Variants in MAPRE1 observed in about 807,000 individuals in gnomAD.
MAPRE1 encodes microtubule-associated protein RP/EB family member 1.
Under a neutral mutation model 32.1 loss-of-function variants are expected in MAPRE1, and 5 were observed. That is an observed-to-expected ratio of 0.16 (90% CI 0.08 to 0.33). MAPRE1 has a LOEUF of 0.33. Among genes scored for constraint, MAPRE1 ranks in the 10% least tolerant of loss-of-function variants. MAPRE1 has a pLI of 1.00. For missense variants in MAPRE1, 209 were observed against 327.2 expected (o/e 0.64, Z 2.79); for synonymous variants, 122 against 118.9 (o/e 1.03, Z -0.17).
rs137885876 is a variant in MAPRE1 at position 32,832,742 on chromosome 20, G to A, written c.122-975G>A. ...TTCCCTAAGTGTTGAGATTACAGGC[G>A]TGAGCTACGGTGCCTGGCCTTATCA... On this transcript the variant is annotated intron_variant, in intron 2 of 6. Transcript: ENST00000375571. Among the ~76,000 whole-genome samples the A allele has an allele frequency of 1.7e-3, 263 of 151,174 alleles. 1 individual carries two copies. Among genetic ancestry groups the A allele is most frequent in the African/African-American group, 5.9e-3 (241 of 41,158 alleles).
chr20:32,844,042 C>G (rs967968653), intron 5 of MAPRE1, among the ~76,000 whole-genome samples: 1 of 152,038 alleles, frequency 6.6e-6, no homozygotes, highest in African/African-American at 2.4e-5. Flanking sequence ...TTAGTAGAGA[C>G]AGGGTTTCAC....
upstream of MAPRE1, chr20:32,819,843 C>G (rs1046474895): frequency 9.9e-5 from 15 of 150,970 alleles, no homozygotes; most frequent in Admixed American, 8.6e-4. Flanking sequence ...CCGCCCCCGG[C>G]GCGCGGCTGA....
intron 1 of MAPRE1, among the ~76,000 whole-genome samples, chr20:32,823,098 A>G (rs945518752): frequency 1.3e-5 from 2 of 152,236 alleles, no homozygotes; most frequent in South Asian, 2.1e-4. Context: ...GCAAGATACT[A>G]TGAGGTGCCT....
chr20:32,844,810 G>T (rs1983459886), intron 5 of MAPRE1, among the ~76,000 whole-genome samples: 1 of 152,196 alleles, frequency 6.6e-6, no homozygotes, highest in Non-Finnish European at 1.5e-5. Context: ...CTTTTGGATT[G>T]TGGAGCTGTA....
chr20:32,848,606 AG>A, intron 6 of MAPRE1, 65 bp from the exon 7 acceptor site: 1 of 1,240,888 alleles, frequency 8.1e-7, no homozygotes. Context: ...TGTAAGTATG[AG>A]GAAAGTGAAC....
At position 32,849,811 on chromosome 20, in the gene MAPRE1, C is replaced by T. The variant is rs560737214; in HGVS notation, c.*1083C>T. 2 of 152,706 alleles carry T rather than the reference C, an allele frequency of 1.3e-5. No homozygotes were observed. Among genetic ancestry groups the T allele is most frequent in the African/African-American group, 4.8e-5 (2 of 41,546 alleles). The allele number at this position is 152,706 out of a possible 1,614,324, so 9.5% of individuals were successfully genotyped here. A position where few individuals can be genotyped will look rare whatever the true frequency, so the allele number is the denominator to read the frequency against. On this transcript the variant is annotated 3_prime_UTR_variant, in exon 7 of 7. Coordinates refer to ENST00000375571, the MANE Select transcript of MAPRE1 (RefSeq NM_012325.3). ...GGGATCTGCCAGGCTGGGGTGTTTT[C>T]GGTATCTGCTGTTCACAGCTCTCCA... is the stretch of plus-strand genomic sequence containing the variant.
intron 2 of MAPRE1, among the ~76,000 whole-genome samples, chr20:32,826,257 C>T (rs1200739122): frequency 6.9e-6 from 1 of 145,550 alleles, no homozygotes; most frequent in African/African-American, 2.7e-5. Flanking sequence ...CGCTCTGTTG[C>T]CCAGGCTGGA....
intron 3 of MAPRE1, among the ~76,000 whole-genome samples, chr20:32,835,841 A>C (rs1334394504): frequency 1.3e-5 from 2 of 151,768 alleles, no homozygotes; most frequent in African/African-American, 4.8e-5. Context: ...CCTGACCTCA[A>C]GTGATCTACC....
At chr20:32,830,221 A>G (rs989030740) in intron 2 of MAPRE1, among the ~76,000 whole-genome samples, 2 of 151,974 alleles carry the variant, frequency 1.3e-5, no homozygotes, top group African/African-American at 4.8e-5. Flanking sequence ...CCTCAGCTTA[A>G]TGTGGGGCCC....
At chr20:32,832,632 T>C (rs1365732838) in intron 2 of MAPRE1, among the ~76,000 whole-genome samples, 1 of 151,876 alleles carries the variant, frequency 6.6e-6, no homozygotes, top group Admixed American at 6.6e-5. Context: ...CACGCCAAGC[T>C]AATTTTGGTA....
intron 1 of MAPRE1, among the ~76,000 whole-genome samples, chr20:32,824,148 G>A (rs567940799): frequency 3.9e-5 from 6 of 152,194 alleles, no homozygotes; most frequent in African/African-American, 1.4e-4. Context: ...GTCAGACTTT[G>A]CACCACTAGA....
At chr20:32,825,467 T>A (rs1982819454) in intron 1 of MAPRE1, among the ~76,000 whole-genome samples, 1 of 152,180 alleles carries the variant, frequency 6.6e-6, no homozygotes, top group African/African-American at 2.4e-5. Flanking sequence ...GTCTCTCGTT[T>A]GGCCTCATGG....
At chr20:32,843,878 G>A (rs1983431033) in intron 5 of MAPRE1, among the ~76,000 whole-genome samples, 2 of 150,818 alleles carry the variant, frequency 1.3e-5, no homozygotes, top group Admixed American at 6.6e-5. Flanking sequence ...TTTGGAGATG[G>A]AGTTTTGCTC....
At chr20:32,835,367 T>TTTTTTTTTTTG (rs1434754326) in intron 3 of MAPRE1, among the ~76,000 whole-genome samples, 1 of 140,824 alleles carries the variant, frequency 7.1e-6, no homozygotes, top group Non-Finnish European at 1.5e-5. Context: ...TATTGGTGTT[T>TTTTTTTTTTTG]TTTTTTTTTT....
At chr20:32,841,452 TC>T (rs200596122) in intron 5 of MAPRE1, among the ~76,000 whole-genome samples, 137 of 151,268 alleles carry the variant, frequency 9.1e-4, no homozygotes, top group African/African-American at 3.1e-3. Context: ...TCTGCTCAGC[TC>T]TTTTTTTTTT....
chr20:32,832,990 T>C (rs1983082126), intron 2 of MAPRE1, among the ~76,000 whole-genome samples: 1 of 151,536 alleles, frequency 6.6e-6, no homozygotes, highest in African/African-American at 2.4e-5. Context: ...CAAAAATGTC[T>C]TCTATTCAAC....
At chr20:32,834,787 A>G (rs546690523) in intron 3 of MAPRE1, among the ~76,000 whole-genome samples, 1 of 152,344 alleles carries the variant, frequency 6.6e-6, no homozygotes, top group African/African-American at 2.4e-5. Context: ...GAAAATGTCT[A>G]AAGTATATAA....
chr20:32,836,192 C>T (rs888386945), intron 3 of MAPRE1, among the ~76,000 whole-genome samples: 3 of 152,072 alleles, frequency 2.0e-5, no homozygotes, highest in Admixed American at 6.6e-5. Context: ...AACTCTTGCC[C>T]GCCTTGGCCT....
intron 5 of MAPRE1, among the ~76,000 whole-genome samples, chr20:32,841,992 A>G (rs1465769503): frequency 2.6e-5 from 4 of 151,720 alleles, no homozygotes; most frequent in African/African-American, 9.7e-5. Flanking sequence ...TTAAAAGTTC[A>G]CAGGAACCAG....
Sources: allele counts gnomAD v4.1 joint callset (sites outside exome capture counted in the v4.1 genomes callset), GRCh38; gene constraint gnomAD v4.1.1; transcripts MANE v1.5; gene names NCBI Gene and HGNC (gene_info 2026-07-23, HGNC 2026-07-21).